The following TBC1D22A variants were observed in gnomAD, a reference collection of about 807,000 sequenced individuals.
TBC1D22A encodes the protein TBC1 domain family member 22A.
In TBC1D22A, 38 loss-of-function variants were observed where a neutral mutation model predicts 60.2. That is an observed-to-expected ratio of 0.63 (90% CI 0.49 to 0.83). The LOEUF is 0.83. Ranked by LOEUF, TBC1D22A falls within the 40% of genes least tolerant of loss-of-function variation. TBC1D22A has a pLI of 0.00. For missense variants in TBC1D22A, 628 were observed against 701.0 expected (o/e 0.90, Z 1.18); for synonymous variants, 302 against 281.7 (o/e 1.07, Z -0.72).
chr22:46,829,414 C>T (rs761769861), intron 4 of TBC1D22A, among the ~76,000 whole-genome samples: 1 of 152,168 alleles, frequency 6.6e-6, no homozygotes, highest in South Asian at 2.1e-4. Flanking sequence ...GAGGGATGGT[C>T]CTGTTGTTGC....
At chr22:47,012,191 AAAGTT>A (rs1455194875) in intron 10 of TBC1D22A, among the ~76,000 whole-genome samples, 2 of 152,012 alleles carry the variant, frequency 1.3e-5, no homozygotes, top group Non-Finnish European at 2.9e-5. Context: ...CCACCACCCC[AAAGTT>A]GTTAAGGTGG....
chr22:46,998,900 C>G (rs980683382), intron 10 of TBC1D22A, among the ~76,000 whole-genome samples: 1 of 152,276 alleles, frequency 6.6e-6, no homozygotes, highest in Non-Finnish European at 1.5e-5. Flanking sequence ...CTCCACCGCG[C>G]GGTCTTGTTT....
chr22:47,161,934 C>T (rs1031681331), intron 12 of TBC1D22A, among the ~76,000 whole-genome samples: 2 of 152,238 alleles, frequency 1.3e-5, no homozygotes, highest in Non-Finnish European at 2.9e-5. Flanking sequence ...TAGCAAGCCC[C>T]GTCTTCTGGC....
At chr22:47,162,869 C>G (rs12169043) in intron 12 of TBC1D22A, among the ~76,000 whole-genome samples, 1 of 145,530 alleles carries the variant, frequency 6.9e-6, no homozygotes, top group Admixed American at 6.8e-5. Context: ...GGCACTTCCT[C>G]GTGGTCTTGA....
intron 7 of TBC1D22A, among the ~76,000 whole-genome samples, chr22:46,908,052 G>A (rs1759595161): frequency 1.3e-5 from 2 of 152,216 alleles, no homozygotes; most frequent in Admixed American, 1.3e-4. Flanking sequence ...GCCATGCTCA[G>A]GAGTGCATTG....
chr22:46,808,477 G>C (rs1299003284), intron 4 of TBC1D22A, among the ~76,000 whole-genome samples: 1 of 152,188 alleles, frequency 6.6e-6, no homozygotes, highest in Admixed American at 6.5e-5. Context: ...CCTTAAATCA[G>C]TTGCCAAGAA....
Position 46,762,680 on chromosome 22 carries a change from T to G in TBC1D22A, c.-107T>G. The stretch of plus-strand genomic sequence containing the variant: ...AGCTTCTCGGCTCTAGGCTCTGGAG[T>G]CCCGGGAGCAGTGAGGGGCCACCCG... On this transcript the variant is annotated 5_prime_UTR_variant, in exon 1 of 13. Transcript: ENST00000337137. 2.2e-6 allele frequency: 2 copies of G among 929,962 alleles called. No individual in the cohort carries two copies. Among genetic ancestry groups the G allele is most frequent in the Non-Finnish European group, 1.5e-6 (1 of 669,418 alleles). The allele number at this position is 929,962 out of a possible 1,614,324, so 57.6% of individuals were successfully genotyped here.
rs147621889 is a variant in TBC1D22A at position 46,774,576 on chromosome 22, C to T, written c.62+11728C>T. On this transcript the variant is annotated intron_variant, in intron 1 of 12. Coordinates refer to ENST00000337137, the MANE Select transcript of TBC1D22A (RefSeq NM_014346.5). ...TGTGTTGTTACTGATGGCAGCCCCC[C>T]GGGGCAGGGCCAGGCATTGCTGGGC... is the stretch of plus-strand genomic sequence containing the variant. Among the ~76,000 whole-genome samples, 702 of 152,306 alleles carry T rather than the reference C, an allele frequency of 4.6e-3. 6 individuals carry two copies. Among genetic ancestry groups the T allele is most frequent in the African/African-American group, 0.016 (675 of 41,570 alleles).
chr22:46,992,048 G>C (rs2074963224), intron 9 of TBC1D22A, among the ~76,000 whole-genome samples: 1 of 152,204 alleles, frequency 6.6e-6, no homozygotes, highest in Admixed American at 6.5e-5. Context: ...ATGAACATTG[G>C]CTCAGCTGTC....
At chr22:47,115,161 C>T (rs115555225) in intron 12 of TBC1D22A, among the ~76,000 whole-genome samples, 39 of 148,740 alleles carry the variant, frequency 2.6e-4, no homozygotes, top group African/African-American at 6.5e-4. Context: ...CTGTCCTGAG[C>T]GCTGGGCCCC....
intron 4 of TBC1D22A, among the ~76,000 whole-genome samples, chr22:46,864,429 C>T (rs923746362): frequency 6.6e-6 from 1 of 152,186 alleles, no homozygotes; most frequent in Non-Finnish European, 1.5e-5. Context: ...AAACCAGTTT[C>T]CCTCCTGGCT....
At chr22:46,849,136 C>G (rs2087156260) in intron 4 of TBC1D22A, among the ~76,000 whole-genome samples, 1 of 152,140 alleles carries the variant, frequency 6.6e-6, no homozygotes, top group Non-Finnish European at 1.5e-5. Context: ...GTGGTTGTGG[C>G]CATTATTATT....
intron 11 of TBC1D22A, among the ~76,000 whole-genome samples, chr22:47,086,781 A>T (rs563924226): frequency 2.6e-5 from 4 of 152,230 alleles, no homozygotes; most frequent in Non-Finnish European, 5.9e-5. Flanking sequence ...GGACCCAGCA[A>T]GAATGAGCAC....
chr22:46,780,624 G>A (rs1196850595), intron 1 of TBC1D22A, among the ~76,000 whole-genome samples: 2 of 152,192 alleles, frequency 1.3e-5, no homozygotes, highest in African/African-American at 4.8e-5. Flanking sequence ...ACTCTGACTT[G>A]TCTCTTCCTG....
intron 1 of TBC1D22A, among the ~76,000 whole-genome samples, chr22:46,786,162 T>C (rs1290123233): frequency 6.6e-6 from 1 of 152,224 alleles, no homozygotes; most frequent in Non-Finnish European, 1.5e-5. Flanking sequence ...TTTGTAGATA[T>C]CCTTTATCAG....
intron 8 of TBC1D22A, among the ~76,000 whole-genome samples, chr22:46,960,333 C>T (rs1335388227): frequency 6.6e-6 from 1 of 151,922 alleles, no homozygotes; most frequent in East Asian, 1.9e-4. Context: ...ACGATATGGG[C>T]TCACTGCAAC....
rs1469801700 is a variant in TBC1D22A, at chr22:46,977,277, G to C, written c.1125+2878G>C. 2.6e-5 allele frequency among the ~76,000 whole-genome samples: 4 copies of C among 152,264 alleles called. No individual in the cohort carries two copies. The South Asian group carries it at 6.2e-4, about 24-fold the overall frequency. On this transcript the variant is annotated intron_variant, in intron 9 of 12. Transcript: ENST00000337137. ...AACTATGTTTTTGGCTCACTTTGGA[G>C]CCTCAATTTGAGATTCCGTATTCTA...
chr22:46,922,349 G>T (rs899698195), intron 8 of TBC1D22A, among the ~76,000 whole-genome samples: 2 of 152,212 alleles, frequency 1.3e-5, no homozygotes, highest in Non-Finnish European at 2.9e-5. Context: ...TCATAAGCAT[G>T]AATATTGTAA....
chr22:46,784,740 T>C (rs934068413), intron 1 of TBC1D22A, among the ~76,000 whole-genome samples: 28 of 152,218 alleles, frequency 1.8e-4, no homozygotes, highest in African/African-American at 6.0e-4. Flanking sequence ...TGGGAAATGA[T>C]AGGAAGAATG....
Sources: allele counts gnomAD v4.1 joint callset (sites outside exome capture counted in the v4.1 genomes callset), GRCh38; gene constraint gnomAD v4.1.1; transcripts MANE v1.5; gene names NCBI Gene and HGNC (gene_info 2026-07-23, HGNC 2026-07-21).